OVCH1: variants seen among roughly 807,000 people sequenced by gnomAD.
The protein encoded by OVCH1 is ovochymase 1.
OVCH1 carries 139 observed loss-of-function variants against 138.4 expected under a neutral mutation model. That is an observed-to-expected ratio of 1.00 (90% CI 0.87 to 1.16). The LOEUF (loss-of-function observed/expected upper bound fraction) is 1.16. Ranked by LOEUF, OVCH1 falls within the 50% of genes most tolerant of loss-of-function variation. The probability of loss-of-function intolerance (pLI) is 0.00; values close to 1 mark genes in which losing one functional copy is unlikely to be tolerated. For missense variants in OVCH1, 1,367 were observed against 1,357.9 expected, an observed-to-expected ratio of 1.01 and a Z score of -0.11; for synonymous variants, 453 against 467.8, an observed-to-expected ratio of 0.97 and a Z score of 0.41.
exon 7 of OVCH1, chr12:29,487,702 G>T: frequency 6.3e-7 from 1 of 1,593,768 alleles, no homozygotes; most frequent in Admixed American, 1.7e-5. Context: ...CCTGTGAACA[G>T]GTTTTGAGTG....
the OVCH1 span, among the ~76,000 whole-genome samples, chr12:29,405,784 T>C: frequency 6.6e-6 from 1 of 152,240 alleles, no homozygotes; most frequent in Non-Finnish European, 1.5e-5. Context: ...TTTTTAAATG[T>C]TAAGCCTATA....
At chr12:29,492,997 A>G (rs1471496239) in intron 4 of OVCH1, among the ~76,000 whole-genome samples, 1 of 152,198 alleles carries the variant, frequency 6.6e-6, no homozygotes, top group African/African-American at 2.4e-5. Context: ...ATTTAGCAAC[A>G]TAGAGGTCAT....
Position 29,443,549 on chromosome 12 carries a change from A to G in OVCH1, c.3018-49T>C, listed in dbSNP as rs776304185. 2.7e-6 allele frequency: 4 copies of G among 1,472,578 alleles called. No homozygotes were observed. In the African/African-American group the frequency reaches 5.7e-5, roughly 21 times the overall value. 91.2% of individuals were successfully genotyped at this position (1,472,578 alleles called of 1,614,324 possible). A position where few individuals can be genotyped will look rare whatever the true frequency, so the allele number is the denominator to read the frequency against. ...CAGAAATTATTTCTAAACAGAATAT[A>G]TTGTTAGTTATTTTGCTCAGAAATT... On this transcript the variant is annotated intron_variant, in intron 24 of 27. Transcript: ENST00000318184.
the OVCH1 span, among the ~76,000 whole-genome samples, chr12:29,407,403 T>C: frequency 3.3e-5 from 5 of 149,804 alleles, no homozygotes; most frequent in Admixed American, 1.3e-4. Context: ...CTGAATGGTA[T>C]TGCCTAGGTT....
downstream of OVCH1, among the ~76,000 whole-genome samples, chr12:29,408,737 A>G (rs1340525852): frequency 1.4e-5 from 2 of 146,072 alleles, no homozygotes; most frequent in African/African-American, 2.5e-5. Context: ...TTTTTGCATC[A>G]ATGTTCATCA....
intron 21 of OVCH1, among the ~76,000 whole-genome samples, chr12:29,454,054 C>T (rs989571828): frequency 1.3e-5 from 2 of 152,088 alleles, no homozygotes; most frequent in Non-Finnish European, 2.9e-5. Flanking sequence ...TCCACAGGCT[C>T]CGATCTCCAT....
rs140038051 is a variant in OVCH1 at position 29,476,345 on chromosome 12, G to C, written c.1378-46C>G. 4.1e-6 allele frequency: 6 copies of C among 1,474,274 alleles called. No individual in the cohort carries two copies. The African/African-American group carries it at 5.5e-5, about 14-fold the overall frequency. 91.3% of individuals were successfully genotyped at this position (1,474,274 alleles called of 1,614,324 possible). The stretch of plus-strand genomic sequence containing the variant: ...CCAGGGAAATGGTCAAAGAAGAGAA[G>C]AGAGAAGCTTAAAGGGTTTTCCTCT... On this transcript the variant is annotated intron_variant, in intron 12 of 27. Coordinates refer to ENST00000318184, the Ensembl canonical transcript of OVCH1.
At chr12:29,453,844 G>A (rs1941866340) in intron 21 of OVCH1, among the ~76,000 whole-genome samples, 1 of 152,004 alleles carries the variant, frequency 6.6e-6, no homozygotes, top group Non-Finnish European at 1.5e-5. Flanking sequence ...GCTAACTGGG[G>A]GCATTTTGCT....
chr12:29,475,192 G>T lies in OVCH1; in HGVS notation c.1472-3C>A. On this transcript the variant is annotated splice_polypyrimidine_tract_variant and splice_region_variant and intron_variant, in intron 13 of 27. Transcript: ENST00000318184. ...GGTCAACATTCCACAAAGTTTAGCT[G>T]AAAAAATTTTAGGAAAGTTTGATTT... The T allele has an allele frequency of 6.9e-7, 1 of 1,442,310 alleles. No homozygotes were observed. The allele number at this position is 1,442,310 out of a possible 1,614,324, so 89.3% of individuals were successfully genotyped here. A position where few individuals can be genotyped will look rare whatever the true frequency, so the allele number is the denominator to read the frequency against.
chr12:29,444,159 G>A, exon 24 of OVCH1: 1 of 1,607,186 alleles, frequency 6.2e-7, no homozygotes, highest in Non-Finnish European at 8.5e-7. Context: ...TAGTAGTTCT[G>A]TGAGAATTTC....
chr12:29,403,514 G>C, the OVCH1 span, among the ~76,000 whole-genome samples: 47,024 of 152,024 alleles, frequency 0.31, 8,586 homozygotes, highest in Middle Eastern at 0.52. Context: ...ATTTTATATT[G>C]CAGATTTCTG....
intron 8 of OVCH1, among the ~76,000 whole-genome samples, chr12:29,480,688 G>A (rs1014669846): frequency 1.3e-5 from 2 of 152,032 alleles, no homozygotes; most frequent in African/African-American, 4.8e-5. Flanking sequence ...GGCAACCTGG[G>A]TGGTATCTGT....
downstream of OVCH1, among the ~76,000 whole-genome samples, chr12:29,409,928 G>C (rs1215575365): frequency 2.0e-5 from 3 of 151,922 alleles, no homozygotes; most frequent in Non-Finnish European, 4.4e-5. Flanking sequence ...TCCCATTATT[G>C]GTGTGTGGGA....
At chr12:29,455,439 G>T (rs764234165) in intron 19 of OVCH1, 34 bp from the exon 20 acceptor site, 2 of 1,564,262 alleles carry the variant, frequency 1.3e-6, no homozygotes, top group Non-Finnish European at 8.7e-7. Flanking sequence ...TTAGAAAACT[G>T]CTTTAATCTG....
downstream of OVCH1, among the ~76,000 whole-genome samples, chr12:29,411,721 G>A (rs1351687948): frequency 1.3e-5 from 2 of 152,014 alleles, no homozygotes; most frequent in African/African-American, 2.4e-5. Flanking sequence ...CTACTGGGGG[G>A]TGCCTCCTAG....
At chr12:29,455,982 G>A (rs1260955753) in intron 19 of OVCH1, among the ~76,000 whole-genome samples, 16 of 152,016 alleles carry the variant, frequency 1.1e-4, no homozygotes, top group Non-Finnish European at 1.5e-5. Context: ...GGGTGTTGGT[G>A]GTGAGGTGAA....
rs749763563 is a variant in OVCH1, at chr12:29,477,390, ACT to A, written c.1195_1196del (p.Ser399TrpfsTer5). ...TAACGGTAAGCTCAAAGCCACTGCC[ACT>A]GTCTTCTGTATCAGAAACAAATGGA... On this transcript the variant is annotated frameshift_variant, in exon 11 of 28. Coordinates refer to ENST00000318184, the Ensembl canonical transcript of OVCH1. LOFTEE classifies it high-confidence loss of function. 1 of 1,613,990 alleles carries A rather than the reference ACT, an allele frequency of 6.2e-7. No homozygotes were observed. The highest frequency in any genetic ancestry group is 8.5e-7 in the Non-Finnish European group (1 of 1,179,886).
At chr12:29,451,569 C>T (rs1195063487) in exon 22 of OVCH1, 2 of 1,606,766 alleles carry the variant, frequency 1.2e-6, no homozygotes, top group Non-Finnish European at 1.7e-6. Context: ...AGAGCAACAA[C>T]CTGCAATTCA....
At chr12:29,464,822 A>G (rs1279181277) in intron 17 of OVCH1, 120 bp from the exon 18 acceptor site, 1 of 873,496 alleles carries the variant, frequency 1.1e-6, no homozygotes, top group Admixed American at 2.8e-5. Context: ...ACAATGCAGA[A>G]GACTTTCTAT....
Sources: allele counts gnomAD v4.1 joint callset (sites outside exome capture counted in the v4.1 genomes callset), GRCh38; gene constraint gnomAD v4.1.1; transcripts MANE v1.5; gene names NCBI Gene and HGNC (gene_info 2026-07-23, HGNC 2026-07-21).